Variants in TTLL1 observed in about 807,000 individuals in gnomAD.
The protein encoded by TTLL1 is TTL family tubulin polyglutamylase complex subunit L1, also known as polyglutamylase complex subunit TTLL1.
Under a neutral mutation model 47.8 loss-of-function variants are expected in TTLL1, and 33 were observed. The ratio of observed to expected loss-of-function variants is 0.69; its 90% CI spans 0.52 to 0.92. The LOEUF is 0.92. Ranked by LOEUF, TTLL1 falls within the 40% of genes least tolerant of loss-of-function variation. The pLI is 0.00. For missense variants in TTLL1, 488 were observed against 547.5 expected (o/e 0.89, Z 1.08); for synonymous variants, 225 against 214.1 (o/e 1.05, Z -0.45).
intron 8 of TTLL1, 125 bp downstream of exon 8, chr22:43,059,259 G>A (rs904221728): frequency 1.2e-5 from 17 of 1,373,158 alleles, no homozygotes; most frequent in African/African-American, 2.9e-5. Context: ...CTCCCAGCTT[G>A]CTGGGATTAC....
intron 7 of TTLL1, among the ~76,000 whole-genome samples, chr22:43,061,024 C>T (rs977770432): frequency 6.6e-6 from 1 of 151,980 alleles, no homozygotes; most frequent in Non-Finnish European, 1.5e-5. Flanking sequence ...GGTGAAACCT[C>T]GTCTCTACTA....
At chr22:43,065,553 G>T (rs879676299) in intron 5 of TTLL1, among the ~76,000 whole-genome samples, 1 of 151,836 alleles carries the variant, frequency 6.6e-6, no homozygotes, top group African/African-American at 2.4e-5. Flanking sequence ...GCCTCCCAAA[G>T]TGCTGGGATT....
At chr22:43,049,821 C>T (rs1023906309) in intron 9 of TTLL1, among the ~76,000 whole-genome samples, 40 of 150,026 alleles carry the variant, frequency 2.7e-4, no homozygotes, top group African/African-American at 9.4e-4. Context: ...TGGCTGGGCA[C>T]GGTGGCTCAC....
chr22:43,066,697 T>G (rs192519778), intron 5 of TTLL1, among the ~76,000 whole-genome samples: 2,965 of 118,460 alleles, frequency 0.025, 108 homozygotes, highest in African/African-American at 0.1. Context: ...AAAAAAAAAA[T>G]TTTTTTTTAG....
intron 1 of TTLL1, among the ~76,000 whole-genome samples, chr22:43,087,977 A>G (rs1929345092): frequency 6.6e-6 from 1 of 151,540 alleles, no homozygotes; most frequent in South Asian, 2.1e-4. Context: ...GCGAAACCCC[A>G]TCTCTACTAA....
Position 43,075,610 on chromosome 22 carries a change from T to TA in TTLL1, c.-4-21dup. 16 of 1,606,278 alleles carry TA rather than the reference T, an allele frequency of 1.0e-5. No homozygotes were observed. The highest frequency in any genetic ancestry group is 1.3e-5 in the African/African-American group (1 of 74,860). ...ATAATCCTGGAAGAGATCAAAATAT[T>TA]AGAGATATGAAACTTCAACAGCTCA... On this transcript the variant is annotated intron_variant, in intron 2 of 10. Transcript: ENST00000266254.
chr22:43,072,011 T>C (rs775948438), intron 3 of TTLL1, among the ~76,000 whole-genome samples: 16 of 152,190 alleles, frequency 1.1e-4, no homozygotes, highest in Non-Finnish European at 1.9e-4. Flanking sequence ...ACAGAGGAAT[T>C]GGCCTGGGCC....
intron 5 of TTLL1, among the ~76,000 whole-genome samples, chr22:43,068,133 TA>T (rs78719049): frequency 2.5e-4 from 35 of 141,794 alleles, no homozygotes; most frequent in South Asian, 4.5e-4. Flanking sequence ...CATCTCTATT[TA>T]AAAAAAAAAA....
chr22:43,074,427 C>CTA (rs1928344929), intron 3 of TTLL1, among the ~76,000 whole-genome samples: 1 of 85,744 alleles, frequency 1.2e-5, no homozygotes, highest in African/African-American at 3.8e-5. Flanking sequence ...AATTTCGTCT[C>CTA]AAAAAAAAAA....
At chr22:43,074,676 GAAAT>G (rs200522309) in intron 3 of TTLL1, among the ~76,000 whole-genome samples, 2 of 151,332 alleles carry the variant, frequency 1.3e-5, no homozygotes, top group Admixed American at 6.6e-5. Context: ...CTCTGCCTCT[GAAAT>G]AAATAAATAA....
At chr22:43,075,177 A>C (rs916643844) in intron 3 of TTLL1, among the ~76,000 whole-genome samples, 13 of 152,146 alleles carry the variant, frequency 8.5e-5, no homozygotes, top group African/African-American at 2.7e-4. Context: ...CCTCTGGCCC[A>C]GCTATAACGC....
intron 2 of TTLL1, among the ~76,000 whole-genome samples, chr22:43,079,028 T>A (rs6003039): frequency 1.2e-4 from 1 of 8,650 alleles, no homozygotes; most frequent in East Asian, 2.3e-3. Flanking sequence ...AGAGCGTGAG[T>A]CCATCCCACA....
rs531366593 is a variant in TTLL1, at chr22:43,039,682, A to G, written c.*94T>C. The G allele has an allele frequency of 2.1e-6, 3 of 1,446,734 alleles. No individual in the cohort carries two copies. Among genetic ancestry groups the G allele is most frequent in the Non-Finnish European group, 2.8e-6 (3 of 1,090,434 alleles). The allele number at this position is 1,446,734 out of a possible 1,614,324, so 89.6% of individuals were successfully genotyped here. On this transcript the variant is annotated 3_prime_UTR_variant, in exon 11 of 11. Coordinates refer to ENST00000266254, the MANE Select transcript of TTLL1 (RefSeq NM_012263.5). ...CCTTCGTTTATTTACAGGGCTTAGG[A>G]AAGGAAAAAAGCTCTACAAAAGGGA...
chr22:43,075,730 TC>T, intron 2 of TTLL1, 140 bp from the exon 3 acceptor site: 1 of 737,370 alleles, frequency 1.4e-6, no homozygotes, highest in Non-Finnish European at 2.3e-6. Context: ...TGATTCCATC[TC>T]CCAGGGGACA....
At position 43,039,577 on chromosome 22, in the gene TTLL1, AAAG is replaced by A. The variant is rs1414315826; in HGVS notation, c.*196_*198del. 3.7e-6 allele frequency: 2 copies of A among 538,018 alleles called. No homozygotes were observed. Among genetic ancestry groups the A allele is most frequent in the African/African-American group, 4.0e-5 (2 of 50,390 alleles). The allele number at this position is 538,018 out of a possible 1,614,324, so 33.3% of individuals were successfully genotyped here. On this transcript the variant is annotated 3_prime_UTR_variant, in exon 11 of 11. Transcript: ENST00000266254. ...CTGCTTAGGTTAAAAATTAAAAAAA[AAAG>A]AGCGAGTTTTATACATCCGCATGAA...
At chr22:43,059,697 CGTTTT>C (rs747186439) in intron 7 of TTLL1, among the ~76,000 whole-genome samples, 170 bp from the exon 8 acceptor site, 9 of 152,110 alleles carry the variant, frequency 5.9e-5, no homozygotes, top group South Asian at 2.1e-4. Flanking sequence ...GGCTATTTTC[CGTTTT>C]GTTTTAAGAC....
chr22:43,060,993 C>T (rs1168080979), intron 7 of TTLL1, among the ~76,000 whole-genome samples: 2 of 152,054 alleles, frequency 1.3e-5, no homozygotes, highest in Admixed American at 6.6e-5. Flanking sequence ...GTCAGGAGTT[C>T]GAGACCAGCC....
intron 8 of TTLL1, chr22:43,052,307 C>T (rs1380362069): frequency 2.0e-5 from 4 of 201,970 alleles, no homozygotes; most frequent in South Asian, 1.1e-4. Flanking sequence ...CTTAGGGATC[C>T]GGGTGCCAGA....
At chr22:43,059,313 A>G (rs1927238930) in intron 8 of TTLL1, 71 bp downstream of exon 8, 1 of 1,542,604 alleles carries the variant, frequency 6.5e-7, no homozygotes, top group African/African-American at 1.4e-5. Flanking sequence ...GATTTTTAAC[A>G]GAAAGACAGC....
Sources: gnomAD v4.1 joint callset for allele counts (sites outside exome capture counted in the v4.1 genomes callset) on GRCh38, gnomAD v4.1.1 for gene constraint, MANE v1.5 for transcripts, NCBI Gene and HGNC (gene_info 2026-07-23, HGNC 2026-07-21) for gene names.